Variants in SYT1 observed in about 807,000 individuals in gnomAD.
The protein encoded by SYT1 is synaptotagmin 1.
Under a neutral mutation model 44.8 loss-of-function variants are expected in SYT1, and 8 were observed. The observed-to-expected ratio is 0.18, with a 90% CI of 0.10 to 0.32. The LOEUF is 0.32. Ranked by LOEUF, SYT1 falls within the 10% of genes least tolerant of loss-of-function variation. The probability of loss-of-function intolerance (pLI) is 1.00; values close to 1 mark genes in which losing one functional copy is unlikely to be tolerated. For missense variants in SYT1, 286 were observed against 509.3 expected, an observed-to-expected ratio of 0.56 and a Z score of 4.22; for synonymous variants, 154 against 188.8, an observed-to-expected ratio of 0.82 and a Z score of 1.51.
chr12:78,934,012 C>T (rs1269271513), intron 1 of SYT1, among the ~76,000 whole-genome samples: 1 of 152,020 alleles, frequency 6.6e-6, no homozygotes, highest in African/African-American at 2.4e-5. Context: ...CAGTTATTCC[C>T]TTTATTCAGG....
intron 8 of SYT1, among the ~76,000 whole-genome samples, chr12:79,339,747 G>C (rs1311688113): frequency 6.6e-6 from 1 of 152,116 alleles, no homozygotes; most frequent in African/African-American, 2.4e-5. Context: ...CCTTGCCCAT[G>C]CCTACGTCCT....
At chr12:79,421,604 G>C (rs1296033909) in intron 9 of SYT1, among the ~76,000 whole-genome samples, 1 of 151,964 alleles carries the variant, frequency 6.6e-6, no homozygotes, top group Non-Finnish European at 1.5e-5. Context: ...TGACATGTTG[G>C]TTGGTATACA....
intron 4 of SYT1, among the ~76,000 whole-genome samples, chr12:79,229,453 A>T (rs2138610553): frequency 6.6e-6 from 1 of 152,246 alleles, no homozygotes; most frequent in South Asian, 2.1e-4. Flanking sequence ...TCTTTAGTTT[A>T]TAATTTTAGT....
chr12:79,374,114 G>A (rs2136055660), intron 9 of SYT1, among the ~76,000 whole-genome samples: 1 of 152,300 alleles, frequency 6.6e-6, no homozygotes, highest in Middle Eastern at 3.4e-3. Context: ...GAAACCTTGA[G>A]TACTGCGTGT....
chr12:78,929,722 T>G (rs12367174), intron 1 of SYT1, among the ~76,000 whole-genome samples: 31,356 of 151,684 alleles, frequency 0.21, 4,030 homozygotes, highest in South Asian at 0.4. Flanking sequence ...GCCTCAGTAT[T>G]CTTACCTGTA....
At chr12:79,184,087 A>G (rs1872681601) in intron 3 of SYT1, among the ~76,000 whole-genome samples, 1 of 152,054 alleles carries the variant, frequency 6.6e-6, no homozygotes, top group Admixed American at 6.6e-5. Context: ...CCATTCTGTC[A>G]TTATGTTGCT....
chr12:78,964,635 C>A (rs1182036592), intron 1 of SYT1, among the ~76,000 whole-genome samples: 1 of 152,110 alleles, frequency 6.6e-6, no homozygotes, highest in African/African-American at 2.4e-5. Context: ...TGTTATAAAA[C>A]TGTAGTCATA....
intron 3 of SYT1, among the ~76,000 whole-genome samples, chr12:79,083,545 C>G (rs1592732687): frequency 6.6e-6 from 1 of 151,976 alleles, no homozygotes; most frequent in South Asian, 2.1e-4. Context: ...AAATACTATA[C>G]TAGCCATATG....
chr12:79,207,836 C>G (rs970746824), intron 3 of SYT1, among the ~76,000 whole-genome samples: 1 of 152,086 alleles, frequency 6.6e-6, no homozygotes, highest in Non-Finnish European at 1.5e-5. Flanking sequence ...TGCTCAACTT[C>G]AAGAGACAGG....
chr12:79,236,269 C>T (rs1026480170), intron 4 of SYT1, among the ~76,000 whole-genome samples: 1 of 152,186 alleles, frequency 6.6e-6, no homozygotes, highest in Non-Finnish European at 1.5e-5. Context: ...GCTGGCTTTT[C>T]AAGTTCTTTA....
At chr12:79,429,301 G>A (rs890532568) in intron 9 of SYT1, among the ~76,000 whole-genome samples, 4 of 151,970 alleles carry the variant, frequency 2.6e-5, no homozygotes, top group Admixed American at 2.6e-4. Context: ...CCACCTCCTA[G>A]GTTCAAGCGA....
chr12:79,057,315 A>C (rs939309671), intron 3 of SYT1, among the ~76,000 whole-genome samples: 11 of 152,016 alleles, frequency 7.2e-5, no homozygotes, highest in Non-Finnish European at 1.3e-4. Context: ...GGCAAAGCCT[A>C]TGTTCATGAA....
chr12:78,941,246 A>G (rs61929232), intron 1 of SYT1, among the ~76,000 whole-genome samples: 8,872 of 149,716 alleles, frequency 0.059, 282 homozygotes, highest in Admixed American at 0.089. Flanking sequence ...CTAAGTTTTT[A>G]TATTTTTAGT....
At chr12:79,005,488 C>G (rs1261657307) in intron 2 of SYT1, among the ~76,000 whole-genome samples, 1 of 151,940 alleles carries the variant, frequency 6.6e-6, no homozygotes, top group Admixed American at 6.6e-5. Context: ...TAATGTCTAT[C>G]TCAGGGCTGT....
Position 78,875,041 on chromosome 12 carries a change from C to T in SYT1, c.-217+9932C>T, listed in dbSNP as rs145195486. Reference sequence around the variant, plus strand: ...GAACAGCAAATTGCAGAGCCACTTGCGTGTAAATGAGAATTTCAAACTTTT... The same window carrying T: ...GAACAGCAAATTGCAGAGCCACTTGTGTGTAAATGAGAATTTCAAACTTTT... On this transcript the variant is annotated intron_variant, in intron 1 of 10. Transcript: ENST00000261205. 3.0e-3 allele frequency among the ~76,000 whole-genome samples: 458 copies of T among 151,548 alleles called. 2 individuals carry two copies. The highest frequency in any genetic ancestry group is 6.7e-3 in the South Asian group (32 of 4,806).
intron 4 of SYT1, among the ~76,000 whole-genome samples, chr12:79,272,879 C>T (rs568310001): frequency 2.5e-4 from 38 of 152,190 alleles, no homozygotes; most frequent in African/African-American, 8.4e-4. Flanking sequence ...ATTATGTGAT[C>T]AAGATTTTCT....
chr12:79,408,092 C>T (rs140501312), intron 9 of SYT1, among the ~76,000 whole-genome samples: 1 of 152,214 alleles, frequency 6.6e-6, no homozygotes, highest in Non-Finnish European at 1.5e-5. Context: ...CAAATGTATG[C>T]ACAGGCAATC....
At chr12:78,882,302 T>C (rs1019065087) in intron 1 of SYT1, among the ~76,000 whole-genome samples, 3 of 151,742 alleles carry the variant, frequency 2.0e-5, no homozygotes, top group Non-Finnish European at 4.4e-5. Context: ...TATTGTAGTC[T>C]GGTATATTTG....
intron 1 of SYT1, among the ~76,000 whole-genome samples, chr12:78,929,017 T>C (rs1877464221): frequency 6.6e-6 from 1 of 152,012 alleles, no homozygotes; most frequent in Non-Finnish European, 1.5e-5. Context: ...AACTTAAGAT[T>C]GTTAACTAAA....
Sources: gnomAD v4.1 joint callset for allele counts (sites outside exome capture counted in the v4.1 genomes callset) on GRCh38, gnomAD v4.1.1 for gene constraint, MANE v1.5 for transcripts, NCBI Gene and HGNC (gene_info 2026-07-23, HGNC 2026-07-21) for gene names.